The following POLG variants were observed in gnomAD, a reference collection of about 807,000 sequenced individuals.
POLG encodes the protein DNA polymerase gamma, catalytic subunit.
In POLG, 110 loss-of-function variants were observed where a neutral mutation model predicts 155.4. The ratio of observed to expected loss-of-function variants is 0.71; its 90% CI spans 0.61 to 0.83. The LOEUF (loss-of-function observed/expected upper bound fraction) is 0.83. Among genes scored for constraint, POLG ranks in the 40% least tolerant of loss-of-function variants. The pLI, the probability that POLG is intolerant of heterozygous loss-of-function variation, is 0.00. For missense variants in POLG, 1,685 were observed against 1,627.5 expected (o/e 1.04, Z -0.61); for synonymous variants, 701 against 631.5 (o/e 1.11, Z -1.65).
chr15:89,322,940 G>A lies in POLG; in HGVS notation c.2266-38C>T, dbSNP rs760294606. 4 of 1,605,004 alleles carry A rather than the reference G, an allele frequency of 2.5e-6. No homozygotes were observed. The African/African-American group carries it at 5.4e-5, about 21-fold the overall frequency. On this transcript the variant is annotated intron_variant, in intron 13 of 22. Coordinates refer to ENST00000268124, the MANE Select transcript of POLG (RefSeq NM_002693.3). ...AAGGAAGCAGGGGCTGGAGGCAGGTGGCAGACCCCTGGGTGGGGAACCAAC... is the reference window on the plus strand; with the variant it reads ...AAGGAAGCAGGGGCTGGAGGCAGGTAGCAGACCCCTGGGTGGGGAACCAAC...
chr15:89,318,837 T>C (rs2055348582), intron 20 of POLG, 88 bp from the exon 21 acceptor site: 1 of 1,566,664 alleles, frequency 6.4e-7, no homozygotes, highest in Non-Finnish European at 8.8e-7. Context: ...AGCTTCACTC[T>C]GGCCCTACCT....
intron 10 of POLG, among the ~76,000 whole-genome samples, chr15:89,324,541 C>T (rs546270832): frequency 1.1e-4 from 16 of 152,364 alleles, no homozygotes; most frequent in Admixed American, 5.9e-4. Context: ...GGCCCAGCTG[C>T]AGGCTGGCTC....
In POLG at chr15:89,319,053, C is replaced by G. The variant is rs121918049; in HGVS notation, c.3151G>C (p.Gly1051Arg). Reference sequence around the variant, plus strand: ...TTGAACATTTCTGACTCTGTGCCCCCCTTCCATGCCCGTTCAGCAACCACC... The same window carrying G: ...TTGAACATTTCTGACTCTGTGCCCCGCTTCCATGCCCGTTCAGCAACCACC... ...WEVVAERAWK[G>R]GTESEMFNKL... Residue 1051 changes from glycine (G) to arginine (R), a missense_variant, in exon 20 of 23, where the codon GGG (glycine) becomes CGG (arginine). By Grantham distance (125) the Gly-to-Arg change is moderately radical (BLOSUM62 -2). Coordinates refer to ENST00000268124, the MANE Select transcript of POLG (RefSeq NM_002693.3). 60 of 1,614,150 alleles carry G rather than the reference C, an allele frequency of 3.7e-5. No individual in the cohort carries two copies. In the Middle Eastern group the frequency reaches 4.9e-4, roughly 13 times the overall value.
At chr15:89,329,443 G>C (rs2055566927) in intron 3 of POLG, among the ~76,000 whole-genome samples, 1 of 152,152 alleles carries the variant, frequency 6.6e-6, no homozygotes, top group Non-Finnish European at 1.5e-5. Flanking sequence ...AGGGCTATCT[G>C]GTCTGGCCCC....
At chr15:89,322,461 T>G (rs3176205) in intron 14 of POLG, among the ~76,000 whole-genome samples, 1 of 152,092 alleles carries the variant, frequency 6.6e-6, no homozygotes. Flanking sequence ...CAGCTCTCCA[T>G]GGTCCTCAGC....
chr15:89,326,616 G>C lies in POLG; in HGVS notation c.1708C>G (p.Pro570Ala). The change falls in exon 9 of 23, where the codon CCT becomes GCT. Residue 570 changes from proline (P) to alanine (A), a missense_variant. Pro to Ala is a conservative substitution (Grantham distance 27, BLOSUM62 -1). Coordinates refer to ENST00000268124, the MANE Select transcript of POLG (RefSeq NM_002693.3). ...CTGGGGGTGGGCAGGGCTCACCCAG[G>C]GTGTCCAGGAAGGTGCTGGGGCCGC... The part of the protein sequence containing the change: ...PKRPQHLPGH[P>A]GWYRKLCPRL... The C allele has an allele frequency of 6.2e-7, 1 of 1,613,720 alleles. No individual in the cohort carries two copies. The highest frequency in any genetic ancestry group is 8.5e-7 in the Non-Finnish European group (1 of 1,179,996).
chr15:89,325,687 C>T lies in POLG; in HGVS notation c.1713-1G>A. 6.2e-7 allele frequency: 1 copy of T among 1,602,212 alleles called. No individual in the cohort carries two copies. Among genetic ancestry groups the T allele is most frequent in the Non-Finnish European group, 8.5e-7 (1 of 1,176,856 alleles). On this transcript the variant is annotated splice_acceptor_variant, in intron 9 of 22. Coordinates refer to ENST00000268124, the MANE Select transcript of POLG (RefSeq NM_002693.3). LOFTEE classifies it high-confidence loss of function. ...CCGGGGGCAGAGCTTCCGGTACCAT[C>T]TACGTCCCAGCAGGAAGACAGCAGT...
rs879593305 is a variant in POLG at position 89,325,131 on chromosome 15, AGAGTGAGT to A, written c.1949+311_1949+318del. Among the ~76,000 whole-genome samples the A allele has an allele frequency of 2.5e-4, 11 of 44,680 alleles. 2 individuals carry two copies. The highest frequency in any genetic ancestry group is 2.0e-3 in the African/African-American group (11 of 5,608). 29.3% of individuals were successfully genotyped at this position (44,680 alleles called of 152,430 possible). A position where few individuals can be genotyped will look rare whatever the true frequency, so the allele number is the denominator to read the frequency against. On this transcript the variant is annotated intron_variant, in intron 10 of 22. Transcript: ENST00000268124. ...GAGAGAGAGTGAGTGAGTGAGTGAGAGAGTGAGTGAGAGAGTGAGTGAGTGAGTGAGTG... is the reference window on the plus strand; with the variant it reads ...GAGAGAGAGTGAGTGAGTGAGTGAGAGAGAGAGTGAGTGAGTGAGTGAGTG...
chr15:89,320,933 A>G lies in POLG; in HGVS notation c.2814T>C (p.Thr938=), dbSNP rs771822843. 47 of 1,613,910 alleles carry G rather than the reference A, an allele frequency of 2.9e-5. No individual in the cohort carries two copies. Among genetic ancestry groups the G allele is most frequent in the Non-Finnish European group, 3.9e-5 (46 of 1,180,030 alleles). ...TGGCATGCTCACGGCTGATGCCCAC[A>G]GTAGTGGCTGTCTTACTGTGTAGAT... ...GTDLHSKTAT[T]VGISREHAKI... The change falls in exon 18 of 23, where the codon ACT becomes ACC. Residue 938 remains threonine, a synonymous_variant. Coordinates refer to ENST00000268124, the MANE Select transcript of POLG (RefSeq NM_002693.3).
In POLG at chr15:89,316,583, C is replaced by G; in HGVS notation, c.*168G>C. On this transcript the variant is annotated 3_prime_UTR_variant, in exon 23 of 23. Transcript: ENST00000268124. ...ATCTTGGTTCTGAACCCACTGAATT[C>G]AACTGCACCTTCAGTTAGAAGGAAT... 1 of 1,127,388 alleles carries G rather than the reference C, an allele frequency of 8.9e-7. No individual in the cohort carries two copies. The highest frequency in any genetic ancestry group is 1.3e-6 in the Non-Finnish European group (1 of 757,246). 69.8% of individuals were successfully genotyped at this position (1,127,388 alleles called of 1,614,324 possible).
At chr15:89,328,908 C>T (rs1347081933) in intron 4 of POLG, 35 bp downstream of exon 4, 3 of 1,614,048 alleles carry the variant, frequency 1.9e-6, no homozygotes, top group Non-Finnish European at 2.5e-6. Flanking sequence ...GGGTCCCAAG[C>T]ACTATGCTCC....
At position 89,319,107 on chromosome 15, in the gene POLG, A is replaced by T. The variant is rs765339818; in HGVS notation, c.3105-8T>A. 3 of 1,614,104 alleles carry T rather than the reference A, an allele frequency of 1.9e-6. No individual in the cohort carries two copies. The highest frequency in any genetic ancestry group is 1.7e-6 in the Non-Finnish European group (2 of 1,180,008). On this transcript the variant is annotated splice_polypyrimidine_tract_variant and splice_region_variant and intron_variant, in intron 19 of 22. Transcript: ENST00000268124. The stretch of plus-strand genomic sequence containing the variant: ...CACTTCTTCCACTGTGACCTAAGGG[A>T]CCAGAAACAGAGGGCAGACTTTGTC...
chr15:89,324,379 A>G, intron 10 of POLG, 152 bp from the exon 11 acceptor site: 1 of 871,554 alleles, frequency 1.1e-6, no homozygotes, highest in Non-Finnish European at 1.8e-6. Context: ...GGTTTTAGAC[A>G]GGGATTGATT....
Position 89,328,795 on chromosome 15 carries a change from T to C in POLG, c.1060A>G (p.Asn354Asp), listed in dbSNP as rs796052916. Residue 354 changes from asparagine (N) to aspartate (D), a missense_variant, in exon 5 of 23, where the codon AAC (asparagine) becomes GAC (aspartate). By Grantham distance (23) the Asn-to-Asp change is conservative. Transcript: ENST00000268124. ...SWDWLDISSVNSLAEVHRLYV... is the reference protein window; with the variant it reads ...SWDWLDISSVDSLAEVHRLYV... ...AGTCTGTGCACCTCTGCCAGACTGT[T>C]GACACTGCTGATGTCCAGCCAGTCC... is the stretch of plus-strand genomic sequence containing the variant. 3.1e-6 allele frequency: 5 copies of C among 1,614,150 alleles called. No homozygotes were observed. Among genetic ancestry groups the C allele is most frequent in the Non-Finnish European group, 4.2e-6 (5 of 1,180,044 alleles).
chr15:89,326,318 C>T (rs1456266279), intron 9 of POLG, among the ~76,000 whole-genome samples: 1 of 152,220 alleles, frequency 6.6e-6, no homozygotes, highest in African/African-American at 2.4e-5. Flanking sequence ...GTGCCTGGCT[C>T]CTCCTAGGAA....
intron 2 of POLG, among the ~76,000 whole-genome samples, chr15:89,331,330 G>C (rs1348503071): frequency 1.3e-5 from 2 of 151,366 alleles, no homozygotes; most frequent in African/African-American, 4.9e-5. Context: ...GCATGTCAAA[G>C]CCCTTAAAAC....
rs2055320402 is a variant in POLG at position 89,317,724 on chromosome 15, C to T, written c.3483-188G>A. ...TTCCATCCAGCAGCCTAACCTCCCA[C>T]TGAGATACTGAAATGCAATTATGGA... On this transcript the variant is annotated intron_variant, in intron 21 of 22. Transcript: ENST00000268124. The T allele has an allele frequency of 2.1e-5, 13 of 629,228 alleles. No homozygotes were observed. The East Asian group carries it at 3.6e-4, about 17-fold the overall frequency. 39.0% of individuals were successfully genotyped at this position (629,228 alleles called of 1,614,324 possible).
chr15:89,332,608 G>C (rs1209436707), intron 2 of POLG, among the ~76,000 whole-genome samples: 1 of 150,134 alleles, frequency 6.7e-6, no homozygotes, highest in South Asian at 2.2e-4. Flanking sequence ...GCGGGGGCAG[G>C]GGGGCGGGGG....
rs1160459800 is a variant in POLG, at chr15:89,325,207, A to AGAGT, written c.1949+239_1949+242dup. 1.8e-4 allele frequency among the ~76,000 whole-genome samples: 12 copies of AGAGT among 67,358 alleles called. 2 individuals are homozygous for AGAGT. The highest frequency in any genetic ancestry group is 1.1e-3 in the African/African-American group (7 of 6,470). The allele number at this position is 67,358 out of a possible 152,430, so 44.2% of individuals were successfully genotyped here. ...GTGAGTGAGTGAGAGAGTGAGTGAGAGAGTGAGTGAGTGAGAGAGTGAGTG... is the reference window on the plus strand; with the variant it reads ...GTGAGTGAGTGAGAGAGTGAGTGAGAGAGTGAGTGAGTGAGTGAGAGAGTGAGTG... On this transcript the variant is annotated intron_variant, in intron 10 of 22. Coordinates refer to ENST00000268124, the MANE Select transcript of POLG (RefSeq NM_002693.3).
Sources: allele counts gnomAD v4.1 joint callset (sites outside exome capture counted in the v4.1 genomes callset), GRCh38; gene constraint gnomAD v4.1.1; transcripts MANE v1.5; gene names NCBI Gene and HGNC (gene_info 2026-07-23, HGNC 2026-07-21).